Variants in PRDM5 observed in about 807,000 individuals in gnomAD.
PRDM5 encodes PR/SET domain 5.
PRDM5 carries 56 observed loss-of-function variants against 81.2 expected under a neutral mutation model. The ratio of observed to expected loss-of-function variants is 0.69; its 90% CI spans 0.56 to 0.86. PRDM5 has a LOEUF of 0.86. Ranked by LOEUF, PRDM5 falls within the 40% of genes least tolerant of loss-of-function variation. The pLI, the probability that PRDM5 is intolerant of heterozygous loss-of-function variation, is 0.00. For missense variants in PRDM5, 697 were observed against 770.1 expected, an observed-to-expected ratio of 0.91 and a Z score of 1.12; for synonymous variants, 267 against 256.4, an observed-to-expected ratio of 1.04 and a Z score of -0.39.
rs5861483 is a variant in PRDM5 at position 120,699,944 on chromosome 4, A to AAAATAAATAAATAAATAAATAAAT, written c.1729-4693_1729-4670dup. Among the ~76,000 whole-genome samples the AAAATAAATAAATAAATAAATAAAT allele has an allele frequency of 5.0e-3, 741 of 148,582 alleles. 4 individuals carry two copies. Among genetic ancestry groups the AAAATAAATAAATAAATAAATAAAT allele is most frequent in the Admixed American group, 0.011 (166 of 14,934 alleles). On this transcript the variant is annotated intron_variant, in intron 15 of 15. Transcript: ENST00000264808. ...ACTATTCTAAAATTTATATAGAACC[A>AAAATAAATAAATAAATAAATAAAT]AAATAAATAAATAAATAAATAAATA...
intron 1 of PRDM5, among the ~76,000 whole-genome samples, chr4:120,908,336 T>A (rs1766077945): frequency 6.6e-6 from 1 of 152,240 alleles, no homozygotes; most frequent in Non-Finnish European, 1.5e-5. Flanking sequence ...TTGAAATGTG[T>A]GCAGAGGAGA....
Position 120,746,836 on chromosome 4 carries a change from G to T in PRDM5, c.1623+7717C>A, listed in dbSNP as rs1472975413. 2.6e-3 allele frequency among the ~76,000 whole-genome samples: 380 copies of T among 145,296 alleles called. 5 individuals carry two copies. The highest frequency in any genetic ancestry group is 9.1e-3 in the African/African-American group (355 of 38,938). ...TAGGAACACTTTTACACTGTTGGTGGGACTGTAAACTACTTCAACCATTGT... is the reference window on the plus strand; with the variant it reads ...TAGGAACACTTTTACACTGTTGGTGTGACTGTAAACTACTTCAACCATTGT... On this transcript the variant is annotated intron_variant, in intron 14 of 15. Transcript: ENST00000264808.
At chr4:120,877,523 G>A (rs1164283052) in intron 2 of PRDM5, among the ~76,000 whole-genome samples, 1 of 152,190 alleles carries the variant, frequency 6.6e-6, no homozygotes, top group East Asian at 1.9e-4. Context: ...AAATAAACGG[G>A]GCCGGGTGCG....
At chr4:120,759,437 T>C (rs1745281771) in intron 13 of PRDM5, among the ~76,000 whole-genome samples, 1 of 152,180 alleles carries the variant, frequency 6.6e-6, no homozygotes, top group East Asian at 1.9e-4. Flanking sequence ...CTATCTGCTG[T>C]CCCACACAAT....
chr4:120,751,459 T>C (rs1288545190), intron 14 of PRDM5, among the ~76,000 whole-genome samples: 1 of 150,610 alleles, frequency 6.6e-6, no homozygotes, highest in Non-Finnish European at 1.5e-5. Flanking sequence ...GTGTAACTGG[T>C]GTCCCATAAG....
At chr4:120,895,892 G>C (rs1024133756) in intron 2 of PRDM5, among the ~76,000 whole-genome samples, 1 of 152,104 alleles carries the variant, frequency 6.6e-6, no homozygotes, top group Non-Finnish European at 1.5e-5. Flanking sequence ...TCTCTTCCCT[G>C]AGTCCCATTT....
chr4:120,873,088 GCAT>G (rs1289410370), intron 2 of PRDM5, among the ~76,000 whole-genome samples: 1 of 151,996 alleles, frequency 6.6e-6, no homozygotes, highest in African/African-American at 2.4e-5. Context: ...TGCAACCTCT[GCAT>G]CATGGGTTCA....
chr4:120,804,770 C>T (rs1001262557), intron 8 of PRDM5, among the ~76,000 whole-genome samples: 2 of 152,068 alleles, frequency 1.3e-5, no homozygotes, highest in Non-Finnish European at 2.9e-5. Context: ...AATTGACACC[C>T]TAACTTCACA....
chr4:120,807,828 G>A (rs998959363), intron 8 of PRDM5, among the ~76,000 whole-genome samples: 6 of 152,030 alleles, frequency 3.9e-5, no homozygotes, highest in Admixed American at 3.3e-4. Context: ...TAAAGGTGGT[G>A]TGTCCGGAGT....
intron 2 of PRDM5, among the ~76,000 whole-genome samples, chr4:120,877,909 G>A (rs1011821528): frequency 4.9e-4 from 75 of 152,130 alleles, no homozygotes; most frequent in Non-Finnish European, 1.0e-3. Flanking sequence ...CTTTTTACTG[G>A]CCACACAACA....
At chr4:120,687,137 T>C (rs1361798897), downstream of PRDM5, among the ~76,000 whole-genome samples, 2 of 152,104 alleles carry the variant, frequency 1.3e-5, no homozygotes, top group African/African-American at 2.4e-5. Flanking sequence ...TGTAACCCTA[T>C]CTATAGGACA....
intron 14 of PRDM5, among the ~76,000 whole-genome samples, chr4:120,734,723 C>CTT (rs754320962): frequency 5.3e-5 from 8 of 152,056 alleles, no homozygotes; most frequent in Non-Finnish European, 1.0e-4. Context: ...GGCTTAGCCA[C>CTT]TTTTTTTTCC....
chr4:120,864,164 A>G (rs925186137), intron 2 of PRDM5, among the ~76,000 whole-genome samples: 1 of 152,172 alleles, frequency 6.6e-6, no homozygotes, highest in African/African-American at 2.4e-5. Context: ...GTGACCAACA[A>G]CCCTACTGTG....
chr4:120,720,315 G>C (rs143726387), intron 14 of PRDM5, among the ~76,000 whole-genome samples: 1 of 152,308 alleles, frequency 6.6e-6, no homozygotes, highest in East Asian at 1.9e-4. Context: ...CAGAGGCTGT[G>C]AAACCCATGC....
At chr4:120,899,330 C>G (rs1427271339) in intron 2 of PRDM5, among the ~76,000 whole-genome samples, 9 of 152,160 alleles carry the variant, frequency 5.9e-5, no homozygotes, top group Non-Finnish European at 1.2e-4. Flanking sequence ...ATCCTCCACT[C>G]CAATTATGCT....
intron 13 of PRDM5, among the ~76,000 whole-genome samples, chr4:120,776,699 TAAGAA>T (rs1578690718): frequency 1.3e-5 from 2 of 152,148 alleles, no homozygotes; most frequent in East Asian, 1.9e-4. Flanking sequence ...CAGGAAGTGC[TAAGAA>T]AAGAAGGGGA....
intron 14 of PRDM5, among the ~76,000 whole-genome samples, chr4:120,745,569 G>A (rs1742860216): frequency 6.8e-6 from 1 of 147,262 alleles, no homozygotes; most frequent in South Asian, 2.1e-4. Context: ...AAGCTGATAA[G>A]CAACTTCAGC....
At chr4:120,719,179 C>T (rs1052917112) in intron 14 of PRDM5, among the ~76,000 whole-genome samples, 1 of 152,158 alleles carries the variant, frequency 6.6e-6, no homozygotes, top group Non-Finnish European at 1.5e-5. Flanking sequence ...CACCCTTCCC[C>T]ACTCCATCTT....
chr4:120,785,747 T>C (rs1304048684), intron 10 of PRDM5, among the ~76,000 whole-genome samples: 2 of 152,124 alleles, frequency 1.3e-5, no homozygotes, highest in Non-Finnish European at 2.9e-5. Context: ...AGTTTACAAA[T>C]GATAAAACTA....
Sources: allele counts gnomAD v4.1 joint callset (sites outside exome capture counted in the v4.1 genomes callset), GRCh38; gene constraint gnomAD v4.1.1; transcripts MANE v1.5; gene names NCBI Gene and HGNC (gene_info 2026-07-23, HGNC 2026-07-21).